NCAPG2: variants seen among roughly 807,000 people sequenced by gnomAD.
The protein encoded by NCAPG2 is non-SMC condensin II complex subunit G2, also known as condensin-2 complex subunit G2.
Under a neutral mutation model 141.1 loss-of-function variants are expected in NCAPG2, and 53 were observed. The ratio of observed to expected loss-of-function variants is 0.38; its 90% CI spans 0.30 to 0.47. The LOEUF is 0.47. NCAPG2 is among the 20% of genes least tolerant of loss of function. NCAPG2 has a pLI of 0.99. For missense variants in NCAPG2, 1,087 were observed against 1,389.0 expected, an observed-to-expected ratio of 0.78 and a Z score of 3.46; for synonymous variants, 499 against 490.7, an observed-to-expected ratio of 1.02 and a Z score of -0.22.
At position 158,662,205 on chromosome 7, in the gene NCAPG2, T is replaced by C; in HGVS notation, c.1978A>G (p.Lys660Glu). The change falls in exon 16 of 28, where the codon AAA becomes GAA. Residue 660 changes from lysine (K) to glutamate (E), a missense_variant. Lys to Glu is a moderately conservative substitution (Grantham distance 56, BLOSUM62 1). Transcript: ENST00000356309. ...KFASVLPEYL[K>E]VFKDDRCKIP... ...AGTTCAAGACTTACCTTAAATACTT[T>C]CAGATACTCTGGAAGCACAGAGGCA... The C allele has an allele frequency of 2.5e-6, 4 of 1,606,150 alleles. No homozygotes were observed. Among genetic ancestry groups the C allele is most frequent in the Non-Finnish European group, 2.5e-6 (3 of 1,177,730 alleles).
chr7:158,687,280 C>T, intron 7 of NCAPG2, 68 bp downstream of exon 7: 1 of 1,098,618 alleles, frequency 9.1e-7, no homozygotes. Flanking sequence ...CTTAAGAAGT[C>T]AGACCAAATG....
intron 24 of NCAPG2, among the ~76,000 whole-genome samples, chr7:158,648,817 C>T (rs75771994): frequency 0.067 from 1,366 of 20,480 alleles, 243 homozygotes; most frequent in South Asian, 0.12. Flanking sequence ...CCAAATGGAC[C>T]ACAACCACGC....
At chr7:158,672,603 A>C (rs971456446) in intron 12 of NCAPG2, among the ~76,000 whole-genome samples, 1 of 151,884 alleles carries the variant, frequency 6.6e-6, no homozygotes, top group Non-Finnish European at 1.5e-5. Context: ...GGCCTCCCAA[A>C]GTGCTGGGAC....
intron 24 of NCAPG2, among the ~76,000 whole-genome samples, chr7:158,648,026 G>A (rs1831160642): frequency 6.6e-6 from 1 of 151,966 alleles, no homozygotes; most frequent in African/African-American, 2.4e-5. Flanking sequence ...TCCTCTGCCA[G>A]GATTATAATA....
At chr7:158,667,869 T>C (rs5888767) in intron 13 of NCAPG2, among the ~76,000 whole-genome samples, 6 of 870 alleles carry the variant, frequency 6.9e-3, no homozygotes, top group Non-Finnish European at 3.5e-3. Flanking sequence ...CCCTCCGCCC[T>C]CCTTACCCAC....
chr7:158,661,312 T>C (rs1255510681), intron 16 of NCAPG2, among the ~76,000 whole-genome samples: 1 of 152,228 alleles, frequency 6.6e-6, no homozygotes, highest in Non-Finnish European at 1.5e-5. Context: ...AACCACACTT[T>C]CTTCAGAGTT....
chr7:158,700,725 A>G (rs1835724682), intron 2 of NCAPG2, among the ~76,000 whole-genome samples: 1 of 147,958 alleles, frequency 6.8e-6, no homozygotes, highest in Non-Finnish European at 1.5e-5. Flanking sequence ...AAATGTTGCC[A>G]GTAACAAATT....
At position 158,662,236 on chromosome 7, in the gene NCAPG2, G is replaced by A; in HGVS notation, c.1947C>T (p.Asn649=). ...ACTCTGGAAGCACAGAGGCAAACTT[G>A]TTAATCGTGTAAAGTTTGGCCTCTT... ...NNKEAKLYTI[N]KFASVLPEYL... The change falls in exon 16 of 28, where the codon AAC becomes AAT. Residue 649 remains asparagine (N), a synonymous_variant. Transcript: ENST00000356309. 1 of 1,609,620 alleles carries A rather than the reference G, an allele frequency of 6.2e-7. No individual in the cohort carries two copies. Among genetic ancestry groups the A allele is most frequent in the Non-Finnish European group, 8.5e-7 (1 of 1,178,600 alleles).
intron 16 of NCAPG2, among the ~76,000 whole-genome samples, chr7:158,659,373 G>T (rs564932908): frequency 1.3e-5 from 2 of 151,394 alleles, no homozygotes; most frequent in East Asian, 3.9e-4. Flanking sequence ...AAGCTTTGAG[G>T]CTACTGAACC....
At position 158,680,799 on chromosome 7, in the gene NCAPG2, G is replaced by A. The variant is rs369157393; in HGVS notation, c.942C>T (p.His314=). 18 of 1,603,350 alleles carry A rather than the reference G, an allele frequency of 1.1e-5. No homozygotes were observed. In the African/African-American group the frequency reaches 2.1e-4, roughly 19 times the overall value. Residue 314 remains histidine (H), a synonymous_variant, in exon 10 of 28, where the codon CAC becomes CAT. Transcript: ENST00000356309. ...CTCCCTGCCGAACTTTCTTTTGATG[G>A]TGAAAGTAACTCAGAACCTAAGGAC... ...SKVREVLSYF[H]HQKKVRQGVE... is the part of the protein sequence containing the mutation.
At chr7:158,701,562 G>A (rs1563587986) in intron 2 of NCAPG2, among the ~76,000 whole-genome samples, 1 of 152,202 alleles carries the variant, frequency 6.6e-6, no homozygotes, top group African/African-American at 2.4e-5. Flanking sequence ...CTAGTCTTCA[G>A]AGTGACCTTC....
chr7:158,682,335 G>A (rs980693433), intron 9 of NCAPG2, among the ~76,000 whole-genome samples: 1 of 148,542 alleles, frequency 6.7e-6, no homozygotes, highest in African/African-American at 2.5e-5. Context: ...AAGCCACACT[G>A]GGATGGGGGT....
intron 13 of NCAPG2, chr7:158,664,983 G>A (rs919331647): frequency 6.8e-6 from 3 of 441,556 alleles, no homozygotes; most frequent in Admixed American, 4.0e-5. Flanking sequence ...AGGGTGCTAA[G>A]AGGTTTAATT....
intron 1 of NCAPG2, among the ~76,000 whole-genome samples, chr7:158,702,952 G>T (rs1275550996): frequency 6.6e-6 from 1 of 152,192 alleles, no homozygotes; most frequent in Non-Finnish European, 1.5e-5. Context: ...GGTCCCATAA[G>T]ATTATAATGC....
chr7:158,666,394 T>A (rs1472518156), intron 13 of NCAPG2, among the ~76,000 whole-genome samples: 1 of 152,096 alleles, frequency 6.6e-6, no homozygotes. Flanking sequence ...GCAACCAACC[T>A]GTCTGGAAAT....
At chr7:158,634,988 G>A (rs1830093723) in intron 27 of NCAPG2, among the ~76,000 whole-genome samples, 1 of 152,144 alleles carries the variant, frequency 6.6e-6, no homozygotes, top group Non-Finnish European at 1.5e-5. Context: ...CAGCACTAAC[G>A]TCTGTAAAAT....
chr7:158,637,741 C>T (rs1429023882), intron 27 of NCAPG2, among the ~76,000 whole-genome samples: 2 of 152,282 alleles, frequency 1.3e-5, no homozygotes, highest in African/African-American at 2.4e-5. Flanking sequence ...TCCTTGGCGG[C>T]GCTCACCTAG....
intron 4 of NCAPG2, among the ~76,000 whole-genome samples, chr7:158,691,852 A>T (rs1380424081): frequency 1.3e-5 from 2 of 152,224 alleles, no homozygotes; most frequent in Non-Finnish European, 2.9e-5. Flanking sequence ...TTAAGTTGAC[A>T]CTATCTAGCA....
Position 158,654,584 on chromosome 7 carries a change from C to A in NCAPG2, c.2746+11G>T. The A allele has an allele frequency of 6.2e-7, 1 of 1,612,686 alleles. No individual in the cohort carries two copies. The highest frequency in any genetic ancestry group is 1.1e-5 in the South Asian group (1 of 90,836). On this transcript the variant is annotated intron_variant, in intron 22 of 27. Transcript: ENST00000356309. ...TGAGTATTTATTGCTCTAAAACAGCCCTGACTGTACCTGTTTGCATGATTC... is the reference window on the plus strand; with the variant it reads ...TGAGTATTTATTGCTCTAAAACAGCACTGACTGTACCTGTTTGCATGATTC...
Sources: allele counts gnomAD v4.1 joint callset (sites outside exome capture counted in the v4.1 genomes callset), GRCh38; gene constraint gnomAD v4.1.1; transcripts MANE v1.5; gene names NCBI Gene and HGNC (gene_info 2026-07-23, HGNC 2026-07-21).